Variants in BMPR2 observed in about 807,000 individuals in gnomAD.
BMPR2 encodes bone morphogenetic protein receptor type 2.
In BMPR2, 29 loss-of-function variants were observed where a neutral mutation model predicts 100.8. The observed-to-expected ratio is 0.29, with a 90% CI of 0.21 to 0.39. The LOEUF is 0.39. BMPR2 is among the 10% of genes least tolerant of loss of function. The pLI, the probability that BMPR2 is intolerant of heterozygous loss-of-function variation, is 1.00. For missense variants in BMPR2, 1,011 were observed against 1,274.5 expected, an observed-to-expected ratio of 0.79 and a Z score of 3.15; for synonymous variants, 382 against 442.3, an observed-to-expected ratio of 0.86 and a Z score of 1.71.
chr2:202,395,738 C>T (rs1690644963), intron 1 of BMPR2, among the ~76,000 whole-genome samples: 2 of 151,976 alleles, frequency 1.3e-5, no homozygotes, highest in African/African-American at 2.4e-5. Flanking sequence ...GAGTTCGAGA[C>T]CATCCTGGCC....
chr2:202,558,632 G>T (rs113603728), intron 12 of BMPR2, among the ~76,000 whole-genome samples: 18,058 of 151,802 alleles, frequency 0.12, 1,191 homozygotes, highest in Admixed American at 0.14. Flanking sequence ...GGTGGCTTAC[G>T]CCTGTAATCC....
chr2:202,530,095 G>A (rs1292936012), intron 7 of BMPR2, among the ~76,000 whole-genome samples: 1 of 152,168 alleles, frequency 6.6e-6, no homozygotes, highest in Non-Finnish European at 1.5e-5. Context: ...GCCTTTTAAA[G>A]TCAGGTGAAA....
intron 1 of BMPR2, among the ~76,000 whole-genome samples, 194 bp from the exon 2 acceptor site, chr2:202,464,612 CCTT>C (rs760290506): frequency 6.6e-6 from 1 of 152,060 alleles, no homozygotes; most frequent in Non-Finnish European, 1.5e-5. Flanking sequence ...TTTAAAATTT[CCTT>C]CTTGTTTGGA....
chr2:202,384,276 C>T (rs1044797436), intron 1 of BMPR2, among the ~76,000 whole-genome samples: 2 of 152,200 alleles, frequency 1.3e-5, no homozygotes, highest in African/African-American at 2.4e-5. Context: ...GCATCAGTAA[C>T]GTTTAAAATA....
chr2:202,514,888 G>C lies in BMPR2; in HGVS notation c.530G>C (p.Gly177Ala), dbSNP rs1687685672. Reference protein sequence around the residue: ...ALCFGYRMLTGDRKQGLHSMN... With the variant: ...ALCFGYRMLTADRKQGLHSMN... ...AGTAACCTGTTTCCTGTTCTTATAG[G>C]AGACCGTAAACAAGGTCTTCACAGT... The change falls in exon 5 of 13, where the codon GGA becomes GCA. Residue 177 changes from glycine to alanine, a missense_variant and splice_region_variant. Transcript: ENST00000374580. 6.2e-7 allele frequency: 1 copy of C among 1,611,712 alleles called. No homozygotes were observed. Among genetic ancestry groups the C allele is most frequent in the Non-Finnish European group, 8.5e-7 (1 of 1,178,102 alleles).
intron 1 of BMPR2, among the ~76,000 whole-genome samples, chr2:202,418,531 T>G (rs893581957): frequency 6.6e-6 from 1 of 152,136 alleles, no homozygotes; most frequent in African/African-American, 2.4e-5. Context: ...GGTGCTTGGG[T>G]TACAGCTTGA....
rs747222091 is a variant in BMPR2, at chr2:202,555,445, G to A, written c.1780G>A (p.Ala594Thr). ...RNSINYERQQ[A>T]QARIPSPETS... ...TTCAATTAACTATGAACGACAGCAA[G>A]CACAAGCTCGAATCCCCAGCCCTGA... Residue 594 changes from alanine to threonine, a missense_variant, in exon 12 of 13, where the codon GCA becomes ACA. Physicochemically the swap from Ala to Thr is moderately conservative, Grantham distance 58. Transcript: ENST00000374580. 2 of 1,614,160 alleles carry A rather than the reference G, an allele frequency of 1.2e-6. No individual in the cohort carries two copies. The highest frequency in any genetic ancestry group is 2.2e-5 in the South Asian group (2 of 91,082).
In BMPR2 at chr2:202,555,450, A is replaced by G; in HGVS notation, c.1785A>G (p.Gln595=). 3.1e-6 allele frequency: 5 copies of G among 1,614,220 alleles called. No homozygotes were observed. The highest frequency in any genetic ancestry group is 4.2e-6 in the Non-Finnish European group (5 of 1,180,050). ...NSINYERQQA[Q]ARIPSPETSV... is the part of the protein sequence containing the mutation. ...TTAACTATGAACGACAGCAAGCACA[A>G]GCTCGAATCCCCAGCCCTGAAACAA... Residue 595 remains glutamine (Q), a synonymous_variant, in exon 12 of 13, where the codon CAA becomes CAG. Transcript: ENST00000374580.
rs1281342130 is a variant in BMPR2 at position 202,435,002 on chromosome 2, C to T, written c.77-29807C>T. ...GACTGAGGTGGGCAGCTCACTTGAG[C>T]TTAGGAGTTGCAGACCCGCCTGGGC... On this transcript the variant is annotated intron_variant, in intron 1 of 12. Coordinates refer to ENST00000374580, the MANE Select transcript of BMPR2 (RefSeq NM_001204.7). Among the ~76,000 whole-genome samples the T allele has an allele frequency of 3.6e-5, 5 of 137,296 alleles. No individual in the cohort carries two copies. The East Asian group carries it at 8.3e-4, about 23-fold the overall frequency. 90.1% of individuals were successfully genotyped at this position (137,296 alleles called of 152,430 possible). A position where few individuals can be genotyped will look rare whatever the true frequency, so the allele number is the denominator to read the frequency against.
chr2:202,436,626 T>G (rs1447957359), intron 1 of BMPR2, among the ~76,000 whole-genome samples: 1 of 150,796 alleles, frequency 6.6e-6, no homozygotes. Context: ...AACATCTAAG[T>G]AGATCATCTG....
chr2:202,474,329 G>A (rs1017004124), intron 3 of BMPR2, among the ~76,000 whole-genome samples: 1 of 150,852 alleles, frequency 6.6e-6, no homozygotes, highest in Non-Finnish European at 1.5e-5. Flanking sequence ...GGTGGCATGT[G>A]CCTGCAGTCC....
At chr2:202,398,926 C>G (rs974408383) in intron 1 of BMPR2, among the ~76,000 whole-genome samples, 8 of 152,012 alleles carry the variant, frequency 5.3e-5, no homozygotes, top group African/African-American at 1.9e-4. Context: ...GTTGGGAGTT[C>G]GAGATCAGTG....
chr2:202,559,177 C>T (rs1222029202), intron 12 of BMPR2, among the ~76,000 whole-genome samples: 1 of 151,852 alleles, frequency 6.6e-6, no homozygotes, highest in Non-Finnish European at 1.5e-5. Flanking sequence ...TGGCATGCGC[C>T]TGTAGTCCCG....
At chr2:202,460,818 T>C (rs1207722400) in intron 1 of BMPR2, among the ~76,000 whole-genome samples, 3 of 90,994 alleles carry the variant, frequency 3.3e-5, no homozygotes, top group African/African-American at 1.0e-4. Context: ...AAGACCAAAC[T>C]TTTTTTTTTT....
chr2:202,488,040 C>A (rs1298258730), intron 3 of BMPR2, among the ~76,000 whole-genome samples: 1 of 152,198 alleles, frequency 6.6e-6, no homozygotes, highest in Non-Finnish European at 1.5e-5. Flanking sequence ...ATAATCTTGT[C>A]ATTAGTGCTC....
intron 1 of BMPR2, among the ~76,000 whole-genome samples, chr2:202,410,390 A>G (rs1387048809): frequency 6.6e-6 from 1 of 152,222 alleles, no homozygotes; most frequent in African/African-American, 2.4e-5. Context: ...GAAACATTTA[A>G]TGGTATCAGA....
chr2:202,394,351 C>CA (rs879886187), intron 1 of BMPR2, among the ~76,000 whole-genome samples: 50 of 132,846 alleles, frequency 3.8e-4, no homozygotes, highest in Middle Eastern at 3.9e-3. Flanking sequence ...AACAACGTCT[C>CA]AAAAAAAAAA....
chr2:202,518,756 A>G (rs1217289222), intron 5 of BMPR2, 66 bp from the exon 6 acceptor site: 3 of 1,257,650 alleles, frequency 2.4e-6, no homozygotes, highest in South Asian at 2.5e-5. Flanking sequence ...TTTGTACTTT[A>G]TTATTTAGTA....
chr2:202,382,450 C>T (rs1690324527), intron 1 of BMPR2, among the ~76,000 whole-genome samples: 1 of 152,156 alleles, frequency 6.6e-6, no homozygotes, highest in African/African-American at 2.4e-5. Flanking sequence ...CTTGGCCTCC[C>T]AAAGTGTTGG....
Sources: allele counts gnomAD v4.1 joint callset (sites outside exome capture counted in the v4.1 genomes callset), GRCh38; gene constraint gnomAD v4.1.1; transcripts MANE v1.5; gene names NCBI Gene and HGNC (gene_info 2026-07-23, HGNC 2026-07-21).